Variants in SCHIP1 observed in about 807,000 individuals in gnomAD.
The protein encoded by SCHIP1 is schwannomin-interacting protein 1.
SCHIP1 carries 8 observed loss-of-function variants against 29.7 expected under a neutral mutation model. The ratio of observed to expected loss-of-function variants is 0.27; its 90% CI spans 0.16 to 0.49. The LOEUF (loss-of-function observed/expected upper bound fraction) is 0.49, where lower values mean the gene tolerates loss of function less well. SCHIP1 is among the 20% of genes least tolerant of loss of function. The pLI, the probability that SCHIP1 is intolerant of heterozygous loss-of-function variation, is 0.99. For missense variants in SCHIP1, 193 were observed against 294.6 expected (o/e 0.66, Z 2.52); for synonymous variants, 76 against 94.9 (o/e 0.80, Z 1.16).
the SCHIP1 span, among the ~76,000 whole-genome samples, chr3:159,681,877 C>G: frequency 6.7e-6 from 1 of 149,954 alleles, no homozygotes; most frequent in Non-Finnish European, 1.5e-5. Context: ...GTTAACTCAA[C>G]GTTAACTTAG....
chr3:159,648,461 G>A, the SCHIP1 span, among the ~76,000 whole-genome samples: 1 of 152,122 alleles, frequency 6.6e-6, no homozygotes, highest in Non-Finnish European at 1.5e-5. Flanking sequence ...AGATGGTCAT[G>A]AGGACTAAGC....
the SCHIP1 span, among the ~76,000 whole-genome samples, chr3:159,307,534 T>G: frequency 6.6e-6 from 1 of 152,158 alleles, no homozygotes. Flanking sequence ...AATTTTTTTT[T>G]GATATTTTCC....
At chr3:159,740,784 A>AAAAAAAAAAAAAAC in the SCHIP1 span, among the ~76,000 whole-genome samples, 1 of 150,840 alleles carries the variant, frequency 6.6e-6, no homozygotes, top group African/African-American at 2.4e-5. Context: ...AAAAAAAAAA[A>AAAAAAAAAAAAAAC]AAAAAAAGAC....
chr3:159,648,134 T>G, the SCHIP1 span, among the ~76,000 whole-genome samples: 2 of 152,240 alleles, frequency 1.3e-5, no homozygotes, highest in South Asian at 4.2e-4. Context: ...AGACTGAAAT[T>G]GTCTATCCCA....
chr3:159,751,160 A>G, the SCHIP1 span, among the ~76,000 whole-genome samples: 1 of 152,246 alleles, frequency 6.6e-6, no homozygotes, highest in Non-Finnish European at 1.5e-5. Context: ...ATTGTTGTGC[A>G]TTCATCCTTT....
At chr3:159,678,171 G>A in the SCHIP1 span, among the ~76,000 whole-genome samples, 34 of 152,012 alleles carry the variant, frequency 2.2e-4, no homozygotes, top group Admixed American at 1.7e-3. Flanking sequence ...TGTGCTATTC[G>A]CAAGCAATCC....
At chr3:159,325,673 T>G in the SCHIP1 span, among the ~76,000 whole-genome samples, 2 of 152,066 alleles carry the variant, frequency 1.3e-5, no homozygotes, top group South Asian at 2.1e-4. Flanking sequence ...CATCACCCCT[T>G]GAAAATTTCT....
At chr3:159,380,252 G>A in the SCHIP1 span, among the ~76,000 whole-genome samples, 3 of 152,128 alleles carry the variant, frequency 2.0e-5, no homozygotes, top group Admixed American at 1.3e-4. Context: ...TCATCGATGG[G>A]CATTGGGTTG....
the SCHIP1 span, among the ~76,000 whole-genome samples, chr3:159,321,211 C>G: frequency 6.6e-6 from 1 of 152,132 alleles, no homozygotes; most frequent in African/African-American, 2.4e-5. Flanking sequence ...GTGATCTGCC[C>G]ACCTTGGCCT....
chr3:159,577,867 C>T, the SCHIP1 span, among the ~76,000 whole-genome samples: 1 of 152,088 alleles, frequency 6.6e-6, no homozygotes. Flanking sequence ...AAGCAATCAA[C>T]CAGAAAATAC....
chr3:159,345,592 C>T, the SCHIP1 span, among the ~76,000 whole-genome samples: 1 of 151,982 alleles, frequency 6.6e-6, no homozygotes, highest in Non-Finnish European at 1.5e-5. Flanking sequence ...CTCACTCATT[C>T]ACTCACACCC....
the SCHIP1 span, among the ~76,000 whole-genome samples, chr3:159,784,568 G>A: frequency 6.6e-6 from 1 of 152,224 alleles, no homozygotes; most frequent in Non-Finnish European, 1.5e-5. Context: ...TCCTGGTGAC[G>A]TGGGCTTTCC....
the SCHIP1 span, among the ~76,000 whole-genome samples, chr3:159,645,796 T>C: frequency 6.6e-6 from 1 of 152,038 alleles, no homozygotes; most frequent in South Asian, 2.1e-4. Flanking sequence ...TGAATCACCA[T>C]AGGAAAAAAA....
Position 159,880,662 on chromosome 3 carries a change from G to A in SCHIP1, c.150-5545G>A, listed in dbSNP as rs930459485. On this transcript the variant is annotated intron_variant, in intron 2 of 6. Transcript: ENST00000445224. Reference sequence around the variant, plus strand: ...CTAGAAAGTGTGTGCCCTGGCTGACGGGGACAGCAGCTACTCAGCACCAGC... The same window carrying A: ...CTAGAAAGTGTGTGCCCTGGCTGACAGGGACAGCAGCTACTCAGCACCAGC... 3.3e-5 allele frequency among the ~76,000 whole-genome samples: 5 copies of A among 152,200 alleles called. No individual in the cohort carries two copies. The East Asian group carries it at 7.7e-4, about 23-fold the overall frequency.
At chr3:159,850,022 G>A (rs1712370145) in intron 1 of SCHIP1, among the ~76,000 whole-genome samples, 2 of 152,160 alleles carry the variant, frequency 1.3e-5, no homozygotes, top group South Asian at 4.1e-4. Flanking sequence ...AGTGGCTGTT[G>A]GAAAGAAGCA....
chr3:159,773,360 C>T, the SCHIP1 span, among the ~76,000 whole-genome samples: 8 of 152,144 alleles, frequency 5.3e-5, no homozygotes, highest in Non-Finnish European at 4.4e-5. Context: ...TCATCAAATG[C>T]TATTTTCAAA....
the SCHIP1 span, among the ~76,000 whole-genome samples, chr3:159,585,969 AATGG>A: frequency 2.0e-5 from 3 of 152,060 alleles, no homozygotes; most frequent in African/African-American, 7.2e-5. Flanking sequence ...TGGATGGATG[AATGG>A]ATGGATGGAT....
At chr3:159,371,930 C>T in the SCHIP1 span, among the ~76,000 whole-genome samples, 4,135 of 152,142 alleles carry the variant, frequency 0.027, 75 homozygotes, top group East Asian at 0.11. Context: ...CACAGAAGGC[C>T]AACTGTATAT....
chr3:159,806,059 C>G, the SCHIP1 span, among the ~76,000 whole-genome samples: 1 of 152,202 alleles, frequency 6.6e-6, no homozygotes, highest in Non-Finnish European at 1.5e-5. Flanking sequence ...ATCCACCCGC[C>G]TCGGCCTCCC....
Sources: allele counts gnomAD v4.1 joint callset (sites outside exome capture counted in the v4.1 genomes callset), GRCh38; gene constraint gnomAD v4.1.1; transcripts MANE v1.5; gene names NCBI Gene and HGNC (gene_info 2026-07-23, HGNC 2026-07-21).